Variants in RNF213 observed in about 807,000 individuals in gnomAD.
RNF213 encodes E3 ubiquitin-protein ligase RNF213.
A neutral mutation model predicts 514.4 loss-of-function variants in RNF213; 341 were observed. The ratio of observed to expected loss-of-function variants is 0.66; its 90% CI spans 0.61 to 0.73. The LOEUF (loss-of-function observed/expected upper bound fraction) is 0.73. Among genes scored for constraint, RNF213 ranks in the 30% least tolerant of loss-of-function variants. The pLI is 0.00. For missense variants in RNF213, 5,767 were observed against 6,615.6 expected (o/e 0.87, Z 4.45); for synonymous variants, 2,655 against 2,658.2 (o/e 1.00, Z 0.04).
intron 64 of RNF213, 194 bp downstream of exon 64, chr17:80,388,883 T>C (rs2080347011): frequency 3.1e-6 from 2 of 642,624 alleles, no homozygotes; most frequent in South Asian, 3.5e-5. Flanking sequence ...ATTGACATCT[T>C]GTGGGTTTGA....
At chr17:80,274,350 A>G (rs1457800933) in intron 3 of RNF213, among the ~76,000 whole-genome samples, 1 of 150,836 alleles carries the variant, frequency 6.6e-6, no homozygotes, top group African/African-American at 2.4e-5. Context: ...TTTCGAGGGG[A>G]GCGTCCTGGA....
At chr17:80,261,815 T>G (rs567431309) in intron 1 of RNF213, among the ~76,000 whole-genome samples, 1 of 152,180 alleles carries the variant, frequency 6.6e-6, no homozygotes, top group African/African-American at 2.4e-5. Flanking sequence ...GGTCGGGAGT[T>G]CGAGACCAGC....
chr17:80,292,130 G>C (rs1430013953), intron 8 of RNF213: 1 of 435,384 alleles, frequency 2.3e-6, no homozygotes, highest in African/African-American at 2.0e-5. Context: ...TGTCGCTCAG[G>C]CTGGAGTACA....
In RNF213 at chr17:80,339,555, T is replaced by A; in HGVS notation, c.5188T>A (p.Ser1730Thr). Reference sequence around the variant, plus strand: ...GAGTGATGCCGCCCTAACGATGCTATCCTTCATCAAAAGCAACTGCACCCT... The same window carrying A: ...GAGTGATGCCGCCCTAACGATGCTAACCTTCATCAAAAGCAACTGCACCCT... ...PPSDAALTML[S>T]FIKSNCTLRD... Residue 1730 changes from serine (S) to threonine (T), a missense_variant, in exon 26 of 68, where the codon TCC (serine) becomes ACC (threonine). Physicochemically the swap from Ser to Thr is moderately conservative, Grantham distance 58. Around this residue, in one of 13 missense-constraint regions of RNF213, gnomAD observed 1,377 missense variants for 1,635.2 expected, o/e 0.84. Transcript: ENST00000582970. 5.9e-6 allele frequency: 9 copies of A among 1,537,144 alleles called. No individual in the cohort carries two copies. The highest frequency in any genetic ancestry group is 7.8e-6 in the Non-Finnish European group (9 of 1,146,896).
chr17:80,373,150 C>T lies in RNF213; in HGVS notation c.12927C>T (p.Asp4309=), dbSNP rs76370064. ...GRPHQWVFPK[D]VVKQQGLRQD... Reference sequence around the variant, plus strand: ...CGCACCAGTGGGTGTTTCCCAAGGACGTTGTCAAGCAGCAGGTGAGAAGCG... The same window carrying T: ...CGCACCAGTGGGTGTTTCCCAAGGATGTTGTCAAGCAGCAGGTGAGAAGCG... Residue 4309 remains aspartate, a synonymous_variant, in exon 49 of 68, where the codon GAC becomes GAT. Coordinates refer to ENST00000582970, the MANE Select transcript of RNF213 (RefSeq NM_001256071.3). 3.8e-4 allele frequency: 616 copies of T among 1,611,430 alleles called. 1 individual carries two copies. The African/African-American group carries it at 7.2e-3, about 19-fold the overall frequency.
Position 80,344,587 on chromosome 17 carries a change from A to G in RNF213, c.6343-91A>G, listed in dbSNP as rs974490656. ...TTCAGTGCGTTTTTCATAAAGGTCC[A>G]TCCAATATAGATAACGTGGAGGGTT... On this transcript the variant is annotated intron_variant, in intron 28 of 67. Coordinates refer to ENST00000582970, the MANE Select transcript of RNF213 (RefSeq NM_001256071.3). 2.1e-6 allele frequency: 3 copies of G among 1,402,132 alleles called. No homozygotes were observed. In the Admixed American group the frequency reaches 5.0e-5, roughly 24 times the overall value. 86.9% of individuals were successfully genotyped at this position (1,402,132 alleles called of 1,614,324 possible).
At chr17:80,390,401 A>G (rs1004040910) in intron 67 of RNF213, among the ~76,000 whole-genome samples, 4 of 152,124 alleles carry the variant, frequency 2.6e-5, no homozygotes, top group African/African-American at 9.7e-5. Flanking sequence ...TGTTTTTCAG[A>G]CAAGAGTCTT....
chr17:80,369,899 A>T, intron 46 of RNF213, 32 bp downstream of exon 46: 1 of 1,465,282 alleles, frequency 6.8e-7, no homozygotes, highest in Non-Finnish European at 9.6e-7. Context: ...GCTTCTGGAA[A>T]GCCCTGGCTT....
chr17:80,345,148 C>T lies in RNF213; in HGVS notation c.6813C>T (p.Asp2271=). The part of the protein sequence containing the change: ...DFATPSLHTS[D]QSPGKHMVTM... ...CCACACCATCACTCCACACCTCTGA[C>T]CAAAGCCCGGGGAAGCACATGGTCA... The change falls in exon 29 of 68, where the codon GAC becomes GAT. Residue 2271 remains aspartate, a synonymous_variant. Transcript: ENST00000582970. This position sits in a 1 kb window ranked among gnomAD's most constrained non-coding sequence, Gnocchi z 6.0. 4 of 1,614,090 alleles carry T rather than the reference C, an allele frequency of 2.5e-6. No individual in the cohort carries two copies. The highest frequency in any genetic ancestry group is 2.5e-6 in the Non-Finnish European group (3 of 1,180,014).
At chr17:80,368,274 G>A in intron 44 of RNF213, 131 bp downstream of exon 44, 2 of 943,416 alleles carry the variant, frequency 2.1e-6, no homozygotes, top group African/African-American at 1.6e-5. Context: ...ACTATCATAA[G>A]AGACGCCACT....
chr17:80,277,955 G>A (rs1013181676), intron 3 of RNF213, among the ~76,000 whole-genome samples: 4 of 152,320 alleles, frequency 2.6e-5, no homozygotes, highest in Middle Eastern at 3.4e-3. Context: ...GGGAAAGGGC[G>A]CACAGAGAGG....
At chr17:80,351,557 C>A in intron 31 of RNF213, 128 bp from the exon 32 acceptor site, 1 of 638,634 alleles carries the variant, frequency 1.6e-6, no homozygotes. Context: ...GAACGGGTGG[C>A]CGTGAGACCG....
intron 50 of RNF213, 129 bp from the exon 51 acceptor site, chr17:80,375,631 A>T (rs2079721668): frequency 7.1e-6 from 5 of 706,816 alleles, no homozygotes; most frequent in Admixed American, 2.0e-5. Context: ...TGAACCCGAG[A>T]GGCAGAGGTT....
At chr17:80,342,761 T>A (rs1218121765) in intron 26 of RNF213, among the ~76,000 whole-genome samples, 2 of 146,068 alleles carry the variant, frequency 1.4e-5, no homozygotes, top group Non-Finnish European at 3.0e-5. Flanking sequence ...TATATATATA[T>A]TATATATATA....
Position 80,344,899 on chromosome 17 carries a change from C to G in RNF213, c.6564C>G (p.Gly2188=), listed in dbSNP as rs759314994. The G allele has an allele frequency of 6.2e-7, 1 of 1,614,150 alleles. No individual in the cohort carries two copies. Among genetic ancestry groups the G allele is most frequent in the Non-Finnish European group, 8.5e-7 (1 of 1,180,036 alleles). The part of the protein sequence containing the change: ...QDLDTFQYQE[G]SVEGTPEECL... The stretch of plus-strand genomic sequence containing the variant: ...TAGACACGTTTCAGTATCAAGAAGG[C>G]TCTGTCGAAGGCACCCCGGAGGAAT... Residue 2188 remains glycine (G), a synonymous_variant, in exon 29 of 68, where the codon GGC becomes GGG. Coordinates refer to ENST00000582970, the MANE Select transcript of RNF213 (RefSeq NM_001256071.3).
At chr17:80,328,252 C>G (rs542269694) in intron 19 of RNF213, 76 bp from the exon 20 acceptor site, 1 of 1,457,374 alleles carries the variant, frequency 6.9e-7, no homozygotes, top group African/African-American at 1.4e-5. Context: ...GAAGGTGCGG[C>G]GCTTTCAAAG....
At position 80,339,632 on chromosome 17, in the gene RNF213, C is replaced by T; in HGVS notation, c.5265C>T (p.Tyr1755=). 6.5e-7 allele frequency: 1 copy of T among 1,537,198 alleles called. No homozygotes were observed. Among genetic ancestry groups the T allele is most frequent in the Non-Finnish European group, 8.7e-7 (1 of 1,146,888 alleles). The change falls in exon 26 of 68, where the codon TAC becomes TAT. Residue 1755 remains tyrosine (Y), a synonymous_variant. Coordinates refer to ENST00000582970, the MANE Select transcript of RNF213 (RefSeq NM_001256071.3). ...GGTGTGGGAGTGAGGCCGCCAGGTA[C>T]CGCATGAGGAGAGTCATGGAAGAGC... ...SVGCGSEAAR[Y]RMRRVMEELP...
Position 80,385,172 on chromosome 17 carries a change from G to A in RNF213, c.14455+1G>A. 1.9e-6 allele frequency: 3 copies of A among 1,614,180 alleles called. No homozygotes were observed. The highest frequency in any genetic ancestry group is 1.1e-5 in the South Asian group (1 of 91,084). ...GGCTTCCTCAGCAAGCACAGCTCAG[G>A]TGTGGCTCTGCTCTGACAGGACCAG... On this transcript the variant is annotated splice_donor_variant, in intron 60 of 67. Coordinates refer to ENST00000582970, the MANE Select transcript of RNF213 (RefSeq NM_001256071.3). LOFTEE classifies it high-confidence loss of function.
intron 11 of RNF213, 121 bp downstream of exon 11, chr17:80,298,639 A>C: frequency 9.7e-7 from 1 of 1,032,176 alleles, no homozygotes; most frequent in Non-Finnish European, 1.5e-6. Flanking sequence ...CAGAACTAAC[A>C]CACGCTCTTT....
Sources: gnomAD v4.1 joint callset for allele counts (sites outside exome capture counted in the v4.1 genomes callset) on GRCh38, gnomAD v4.1.1 for gene constraint, gnomAD v4.1.1 regional missense constraint, Gnocchi (gnomAD v3.1) non-coding constraint, MANE v1.5 for transcripts, NCBI Gene and HGNC (gene_info 2026-07-23, HGNC 2026-07-21) for gene names.